TLL2: variants seen among roughly 807,000 people sequenced by gnomAD.
TLL2 encodes tolloid like 2.
In TLL2, 106 loss-of-function variants were observed where a neutral mutation model predicts 123.0. That is an observed-to-expected ratio of 0.86 (90% CI 0.74 to 1.01). The LOEUF is 1.01. Among genes scored for constraint, TLL2 ranks in the 50% least tolerant of loss-of-function variants. The probability of loss-of-function intolerance (pLI) is 0.00; values close to 1 mark genes in which losing one functional copy is unlikely to be tolerated. For synonymous variants in TLL2, 494 were observed against 516.8 expected (o/e 0.96, Z 0.60); for missense variants, 1,332 against 1,336.7 (o/e 1.00, Z 0.06).
At chr10:96,397,115 G>T in intron 11 of TLL2, 71 bp downstream of exon 11, 1 of 1,393,970 alleles carries the variant, frequency 7.2e-7, no homozygotes, top group Non-Finnish European at 1.0e-6. Context: ...CTGGGAGAGG[G>T]ACAGTGGGCT....
At chr10:96,491,866 G>A (rs1434025085) in intron 1 of TLL2, among the ~76,000 whole-genome samples, 1 of 152,136 alleles carries the variant, frequency 6.6e-6, no homozygotes, top group Non-Finnish European at 1.5e-5. Flanking sequence ...GTCGCAAGGA[G>A]GTAACAGCCA....
chr10:96,365,241 A>G lies in TLL2; in HGVS notation c.*2847T>C, dbSNP rs1386734472. On this transcript the variant is annotated 3_prime_UTR_variant, in exon 21 of 21. Coordinates refer to ENST00000357947, the MANE Select transcript of TLL2 (RefSeq NM_012465.4). ...TAGAGAGAAATTGTAAAGTAGAAAT[A>G]AAAAGGAAACTTCACCTTACAGGTA... The G allele has an allele frequency of 1.3e-5, 2 of 152,252 alleles. No individual in the cohort carries two copies. Among genetic ancestry groups the G allele is most frequent in the African/African-American group, 4.8e-5 (2 of 41,468 alleles). 9.4% of individuals were successfully genotyped at this position (152,252 alleles called of 1,614,324 possible).
At chr10:96,406,026 T>C (rs1390050489) in intron 9 of TLL2, among the ~76,000 whole-genome samples, 1 of 152,094 alleles carries the variant, frequency 6.6e-6, no homozygotes, top group Admixed American at 6.5e-5. Context: ...AGAGAGGGAT[T>C]GTCATGAGGA....
At chr10:96,441,537 G>C (rs1846850665) in intron 3 of TLL2, among the ~76,000 whole-genome samples, 1 of 152,212 alleles carries the variant, frequency 6.6e-6, no homozygotes, top group Non-Finnish European at 1.5e-5. Context: ...GCTCAGTGAA[G>C]TTTGGGAACC....
At chr10:96,452,709 A>G (rs1426196914) in intron 2 of TLL2, among the ~76,000 whole-genome samples, 1 of 152,224 alleles carries the variant, frequency 6.6e-6, no homozygotes, top group Non-Finnish European at 1.5e-5. Context: ...CCTCTACCCT[A>G]GACGGGTACA....
intron 17 of TLL2, among the ~76,000 whole-genome samples, chr10:96,377,108 C>G (rs927508283): frequency 3.9e-5 from 6 of 152,218 alleles, no homozygotes; most frequent in Admixed American, 3.9e-4. Context: ...GCAGTGGGGT[C>G]AGGTGGGCCT....
At chr10:96,475,969 G>GC (rs1847239867) in intron 2 of TLL2, among the ~76,000 whole-genome samples, 1 of 151,924 alleles carries the variant, frequency 6.6e-6, no homozygotes, top group East Asian at 1.9e-4. Flanking sequence ...GATGTGACTT[G>GC]CTCCTCCTTG....
intron 1 of TLL2, among the ~76,000 whole-genome samples, chr10:96,509,471 C>T (rs1027247076): frequency 1.3e-5 from 2 of 152,216 alleles, no homozygotes; most frequent in Non-Finnish European, 2.9e-5. Flanking sequence ...CAAAGGCGCT[C>T]CCAGTGGGGT....
intron 1 of TLL2, among the ~76,000 whole-genome samples, chr10:96,506,267 A>AAG (rs1554942283): frequency 0.12 from 8,657 of 72,750 alleles, 430 homozygotes; most frequent in Non-Finnish European, 0.16. Context: ...AAAAAAAAAG[A>AAG]AAAAAAAAAA....
chr10:96,375,407 C>G (rs746978689), intron 18 of TLL2: 3 of 152,196 alleles, frequency 2.0e-5, no homozygotes, highest in Non-Finnish European at 2.9e-5. Flanking sequence ...GAGCCTCGGG[C>G]AAACGCTTCC....
At chr10:96,399,954 A>C (rs867152019) in intron 10 of TLL2, among the ~76,000 whole-genome samples, 1 of 152,206 alleles carries the variant, frequency 6.6e-6, no homozygotes, top group Admixed American at 6.5e-5. Flanking sequence ...AGCCTGAGGT[A>C]TATTTTACTG....
intron 1 of TLL2, among the ~76,000 whole-genome samples, chr10:96,505,268 G>A (rs1278808344): frequency 6.6e-6 from 1 of 152,240 alleles, no homozygotes; most frequent in East Asian, 1.9e-4. Flanking sequence ...TCACCATCAC[G>A]AGAACAGCAT....
intron 1 of TLL2, among the ~76,000 whole-genome samples, chr10:96,481,900 G>A (rs1173424831): frequency 6.6e-6 from 1 of 152,158 alleles, no homozygotes; most frequent in African/African-American, 2.4e-5. Context: ...GAGTAACAGA[G>A]GTTGATGAAA....
intron 1 of TLL2, among the ~76,000 whole-genome samples, chr10:96,509,808 A>G (rs532605746): frequency 1.1e-4 from 17 of 152,334 alleles, no homozygotes; most frequent in African/African-American, 3.1e-4. Flanking sequence ...ATAGCTGGGC[A>G]TAGTGGCAGG....
At chr10:96,430,343 A>G (rs1846725257) in intron 4 of TLL2, among the ~76,000 whole-genome samples, 1 of 152,184 alleles carries the variant, frequency 6.6e-6, no homozygotes, top group Non-Finnish European at 1.5e-5. Flanking sequence ...GCCTTCCGCC[A>G]TGATTGCAAG....
At position 96,422,817 on chromosome 10, in the gene TLL2, G is replaced by A. The variant is rs542789805; in HGVS notation, c.639-90C>T. The A allele has an allele frequency of 1.5e-4, 223 of 1,438,738 alleles. 1 individual carries two copies. In the South Asian group the frequency reaches 2.1e-3, roughly 13 times the overall value. 89.1% of individuals were successfully genotyped at this position (1,438,738 alleles called of 1,614,324 possible). On this transcript the variant is annotated intron_variant, in intron 5 of 20. Transcript: ENST00000357947. The stretch of plus-strand genomic sequence containing the variant: ...CCCCTCCCACTCTGTATGTGTGTGC[G>A]TGTGTGCATGTAAAAGAACAGAATT...
intron 2 of TLL2, among the ~76,000 whole-genome samples, chr10:96,476,873 C>CACACACAG (rs1554939723): frequency 8.9e-4 from 124 of 138,776 alleles, no homozygotes; most frequent in African/African-American, 3.2e-3. Context: ...CACACACACA[C>CACACACAG]ACACACACAC....
intron 1 of TLL2, among the ~76,000 whole-genome samples, chr10:96,488,295 G>A (rs1057022278): frequency 6.6e-6 from 1 of 152,166 alleles, no homozygotes; most frequent in Non-Finnish European, 1.5e-5. Context: ...CTGACTTAGC[G>A]CTTGCGTGCC....
intron 1 of TLL2, among the ~76,000 whole-genome samples, chr10:96,504,516 A>G (rs1214471707): frequency 6.6e-6 from 1 of 152,194 alleles, no homozygotes; most frequent in Non-Finnish European, 1.5e-5. Flanking sequence ...AGGCTGAGGC[A>G]CAGGAATCAC....
Sources: allele counts gnomAD v4.1 joint callset (sites outside exome capture counted in the v4.1 genomes callset), GRCh38; gene constraint gnomAD v4.1.1; transcripts MANE v1.5; gene names NCBI Gene and HGNC (gene_info 2026-07-23, HGNC 2026-07-21).